GFY: variants seen among roughly 807,000 people sequenced by gnomAD.
The protein encoded by GFY is Golgi-associated olfactory signaling regulator.
In GFY, 28 loss-of-function variants were observed where a neutral mutation model predicts 29.1. The observed-to-expected ratio is 0.96, with a 90% CI of 0.71 to 1.32. GFY has a LOEUF of 1.32. Ranked by LOEUF, GFY falls within the 40% of genes most tolerant of loss-of-function variation. GFY has a pLI of 0.00. For synonymous variants in GFY, 277 were observed against 274.5 expected, an observed-to-expected ratio of 1.01 and a Z score of -0.09; for missense variants, 656 against 661.9, an observed-to-expected ratio of 0.99 and a Z score of 0.10.
At chr19:49,425,744 C>A (rs778237553) in intron 1 of GFY, among the ~76,000 whole-genome samples, 2 of 152,184 alleles carry the variant, frequency 1.3e-5, no homozygotes, top group Non-Finnish European at 2.9e-5. Context: ...TCCTTTCTAA[C>A]TCAGGAACCA....
Position 49,426,698 on chromosome 19 carries a change from A to G in GFY, c.268A>G (p.Asn90Asp). The change falls in exon 2 of 4, where the codon AAC (asparagine) becomes GAC (aspartate). Residue 90 changes from asparagine to aspartate, a missense_variant. By Grantham distance (23) the Asn-to-Asp change is conservative. Coordinates refer to ENST00000610896, the MANE Select transcript of GFY (RefSeq NM_001195256.2). ...CCCACTTGACTTCACTGAGCCCCTCAACCCTGACCTCCGAGAAACCCCGCA... is the reference window on the plus strand; with the variant it reads ...CCCACTTGACTTCACTGAGCCCCTCGACCCTGACCTCCGAGAAACCCCGCA... ...TFPLDFTEPL[N>D]PDLRETPHPE... is the part of the protein sequence containing the mutation. The G allele has an allele frequency of 6.5e-7, 1 of 1,536,072 alleles. No individual in the cohort carries two copies. Among genetic ancestry groups the G allele is most frequent in the Non-Finnish European group, 8.7e-7 (1 of 1,146,854 alleles).
chr19:49,427,243 T>A lies in GFY; in HGVS notation c.813T>A (p.Asp271Glu). The stretch of plus-strand genomic sequence containing the variant: ...CAACCTACTACCAAAATGCAACAGA[T>A]GTACCCAGGACCTCCGACCCTCAAA... The part of the protein sequence containing the change: ...FPTTYYQNAT[D>E]VPRTSDPQIS... Residue 271 changes from aspartate (D) to glutamate (E), a missense_variant, in exon 2 of 4, where the codon GAT becomes GAA. Asp to Glu is a conservative substitution (Grantham distance 45). Transcript: ENST00000610896. The A allele has an allele frequency of 6.5e-7, 1 of 1,536,000 alleles. No individual in the cohort carries two copies. The highest frequency in any genetic ancestry group is 1.2e-5 in the South Asian group (1 of 84,044).
rs944607014 is a variant in GFY at position 49,426,281 on chromosome 19, T to A, written c.-21-129T>A. ...GACTTGCGATTGGGTTCTCTTCCCA[T>A]CCCTGGCGCCAAGCTGGGCCCCGGA... On this transcript the variant is annotated intron_variant, in intron 1 of 3. Coordinates refer to ENST00000610896, the MANE Select transcript of GFY (RefSeq NM_001195256.2). The A allele has an allele frequency of 2.6e-5, 36 of 1,400,668 alleles. No individual in the cohort carries two copies. In the East Asian group the frequency reaches 8.6e-4, roughly 33 times the overall value. The allele number at this position is 1,400,668 out of a possible 1,614,324, so 86.8% of individuals were successfully genotyped here.
Position 49,427,502 on chromosome 19 carries a change from C to A in GFY, c.1072C>A (p.Leu358Ile). The A allele has an allele frequency of 6.5e-7, 1 of 1,533,156 alleles. No individual in the cohort carries two copies. The highest frequency in any genetic ancestry group is 8.7e-7 in the Non-Finnish European group (1 of 1,145,156). 95.0% of individuals were successfully genotyped at this position (1,533,156 alleles called of 1,614,324 possible). ...AGCCCGGATTGCAGGTCCCCCTGCTCTTCCAGGGCGCCCCAGTCAGTTGGC... is the reference window on the plus strand; with the variant it reads ...AGCCCGGATTGCAGGTCCCCCTGCTATTCCAGGGCGCCCCAGTCAGTTGGC... ...PSARIAGPPA[L>I]PGRPSQLAPA... Residue 358 changes from leucine to isoleucine, a missense_variant, in exon 2 of 4, where the codon CTT (leucine) becomes ATT (isoleucine). Physicochemically the swap from Leu to Ile is conservative, Grantham distance 5. Transcript: ENST00000610896.
intron 1 of GFY, 55 bp from the exon 2 acceptor site, chr19:49,426,355 C>T: frequency 6.9e-7 from 1 of 1,445,424 alleles, no homozygotes; most frequent in Non-Finnish European, 9.0e-7. Flanking sequence ...CGGGAGTGGG[C>T]GGGGCTCCTG....
In GFY at chr19:49,426,751, T is replaced by C; in HGVS notation, c.321T>C (p.Ala107=). ...CAGAGTCTCCTGAGACCCCCAAAGC[T>C]GACTCACTCACAACCTCAATATCAG... The part of the protein sequence containing the change: ...PHPESPETPK[A]DSLTTSISES... Residue 107 remains alanine (A), a synonymous_variant, in exon 2 of 4, where the codon GCT becomes GCC. Transcript: ENST00000610896. 1 of 1,530,954 alleles carries C rather than the reference T, an allele frequency of 6.5e-7. No homozygotes were observed. The highest frequency in any genetic ancestry group is 1.7e-4 in the Middle Eastern group (1 of 5,972). The allele number at this position is 1,530,954 out of a possible 1,614,324, so 94.8% of individuals were successfully genotyped here.
At position 49,428,738 on chromosome 19, in the gene GFY, C is replaced by T; in HGVS notation, c.1477C>T (p.Leu493=). 4 of 1,523,668 alleles carry T rather than the reference C, an allele frequency of 2.6e-6. No individual in the cohort carries two copies. The highest frequency in any genetic ancestry group is 3.5e-6 in the Non-Finnish European group (4 of 1,140,474). 94.4% of individuals were successfully genotyped at this position (1,523,668 alleles called of 1,614,324 possible). A position where few individuals can be genotyped will look rare whatever the true frequency, so the allele number is the denominator to read the frequency against. ...PPPTPPLPPK[L]PPPPRGGRPQ... is the part of the protein sequence containing the mutation. ...GCCCACACCTCCTCTGCCACCAAAG[C>T]TGCCCCCGCCGCCCCGCGGGGGTCG... Residue 493 remains leucine, a synonymous_variant, in exon 4 of 4, where the codon CTG becomes TTG. Coordinates refer to ENST00000610896, the MANE Select transcript of GFY (RefSeq NM_001195256.2).
At position 49,427,614 on chromosome 19, in the gene GFY, G is replaced by T. The variant is rs1047200554; in HGVS notation, c.1183+1G>T. 11 of 1,459,420 alleles carry T rather than the reference G, an allele frequency of 7.5e-6. No homozygotes were observed. The highest frequency in any genetic ancestry group is 9.0e-6 in the Non-Finnish European group (10 of 1,112,054). The allele number at this position is 1,459,420 out of a possible 1,614,324, so 90.4% of individuals were successfully genotyped here. ...GTGGTGGAGCGAGTGAAGGAGACCGGTGAGGGGCAGGAGCCGGACTCCTGA... is the reference window on the plus strand; with the variant it reads ...GTGGTGGAGCGAGTGAAGGAGACCGTTGAGGGGCAGGAGCCGGACTCCTGA... On this transcript the variant is annotated splice_donor_variant, in intron 2 of 3. Coordinates refer to ENST00000610896, the MANE Select transcript of GFY (RefSeq NM_001195256.2). LOFTEE classifies it high-confidence loss of function.
At position 49,426,753 on chromosome 19, in the gene GFY, A is replaced by G; in HGVS notation, c.323A>G (p.Asp108Gly). 2 of 1,534,584 alleles carry G rather than the reference A, an allele frequency of 1.3e-6. No individual in the cohort carries two copies. The highest frequency in any genetic ancestry group is 8.7e-7 in the Non-Finnish European group (1 of 1,146,510). Residue 108 changes from aspartate (D) to glycine (G), a missense_variant, in exon 2 of 4, where the codon GAC becomes GGC. Transcript: ENST00000610896. ...GAGTCTCCTGAGACCCCCAAAGCTG[A>G]CTCACTCACAACCTCAATATCAGAA... The part of the protein sequence containing the change: ...HPESPETPKA[D>G]SLTTSISESL...
chr19:49,427,869 G>T, intron 2 of GFY, 77 bp from the exon 3 acceptor site: 1 of 1,452,448 alleles, frequency 6.9e-7, no homozygotes, highest in Non-Finnish European at 9.2e-7. Flanking sequence ...TCTGAGGGAG[G>T]AGGGGCTAGG....
intron 3 of GFY, 148 bp downstream of exon 3, chr19:49,428,267 G>A (rs2078942293): frequency 5.5e-6 from 6 of 1,096,904 alleles, no homozygotes; most frequent in African/African-American, 1.6e-5. Flanking sequence ...CCCCCTAAAT[G>A]TCTGCAATTT....
intron 3 of GFY, 65 bp downstream of exon 3, chr19:49,428,184 G>A (rs1166173142): frequency 1.3e-6 from 2 of 1,486,752 alleles, no homozygotes; most frequent in Non-Finnish European, 1.8e-6. Flanking sequence ...GCACTACAGG[G>A]CGCCAGCCAA....
Position 49,426,901 on chromosome 19 carries a change from C to T in GFY, c.471C>T (p.Phe157=). 2.0e-6 allele frequency: 3 copies of T among 1,535,924 alleles called. No homozygotes were observed. Among genetic ancestry groups the T allele is most frequent in the Non-Finnish European group, 1.7e-6 (2 of 1,146,856 alleles). The change falls in exon 2 of 4, where the codon TTC becomes TTT. Residue 157 remains phenylalanine (F), a synonymous_variant. Coordinates refer to ENST00000610896, the MANE Select transcript of GFY (RefSeq NM_001195256.2). ...PGSPETPKPN[F]SKTSRPEFPE... ...CCCCTGAGACCCCCAAACCTAACTT[C>T]TCCAAAACTTCACGCCCAGAATTTC... is the stretch of plus-strand genomic sequence containing the variant.
rs1450893541 is a variant in GFY at position 49,428,658 on chromosome 19, A to G, written c.1397A>G (p.Tyr466Cys). The stretch of plus-strand genomic sequence containing the variant: ...GCCCCGAAAGACCCCTACGACCTCT[A>G]CTTTTATGCTCCGGATACCTGGGTC... Reference protein sequence around the residue: ...LDAPKDPYDLYFYAPDTWVPS... With the variant: ...LDAPKDPYDLCFYAPDTWVPS... The change falls in exon 4 of 4, where the codon TAC (tyrosine) becomes TGC (cysteine). Residue 466 changes from tyrosine (Y) to cysteine (C), a missense_variant. Physicochemically the swap from Tyr to Cys is radical, Grantham distance 194. Transcript: ENST00000610896. 2.0e-6 allele frequency: 3 copies of G among 1,524,988 alleles called. No homozygotes were observed. The highest frequency in any genetic ancestry group is 2.0e-5 in the Admixed American group (1 of 49,620). The allele number at this position is 1,524,988 out of a possible 1,614,324, so 94.5% of individuals were successfully genotyped here.
rs1407723444 is a variant in GFY, at chr19:49,427,960, G to T, written c.1198G>T (p.Gly400Trp). The change falls in exon 3 of 4, where the codon GGG becomes TGG. Residue 400 changes from glycine to tryptophan, a missense_variant. Coordinates refer to ENST00000610896, the MANE Select transcript of GFY (RefSeq NM_001195256.2). ...TCCCCCTTCAGGCGTGACTCTGGTG[G>T]GGCGACCACGTGGCGCAGCAGGCGG... Reference protein sequence around the residue: ...RVKETGVTLVGRPRGAAGGAL... With the variant: ...RVKETGVTLVWRPRGAAGGAL... 1 of 1,534,526 alleles carries T rather than the reference G, an allele frequency of 6.5e-7. No individual in the cohort carries two copies. The highest frequency in any genetic ancestry group is 2.0e-5 in the Admixed American group (1 of 50,946).
In GFY at chr19:49,428,118, G is replaced by A. The variant is rs1346546646; in HGVS notation, c.1356G>A (p.Pro452=). Residue 452 remains proline, a splice_region_variant and synonymous_variant, in exon 3 of 4, where the codon CCG becomes CCA. Transcript: ENST00000610896. The part of the protein sequence containing the change: ...HHRLPDDGDE[P]VLHLDAPKDP... ...GGCTTCCGGACGACGGAGATGAACC[G>A]GGTGAGCGCCCTGCCCCTTGAATGC... is the stretch of plus-strand genomic sequence containing the variant. 3 of 1,530,678 alleles carry A rather than the reference G, an allele frequency of 2.0e-6. No homozygotes were observed. Among genetic ancestry groups the A allele is most frequent in the East Asian group, 2.5e-5 (1 of 40,754 alleles). The allele number at this position is 1,530,678 out of a possible 1,614,324, so 94.8% of individuals were successfully genotyped here.
At chr19:49,427,816 C>T in intron 2 of GFY, 130 bp from the exon 3 acceptor site, 2 of 1,248,604 alleles carry the variant, frequency 1.6e-6, no homozygotes, top group Non-Finnish European at 2.2e-6. Context: ...GGTCTGGACT[C>T]CTGGGTCTGA....
Position 49,428,013 on chromosome 19 carries a change from C to G in GFY, c.1251C>G (p.Thr417=), listed in dbSNP as rs908760524. 6 of 1,535,842 alleles carry G rather than the reference C, an allele frequency of 3.9e-6. No individual in the cohort carries two copies. The African/African-American group carries it at 5.5e-5, about 14-fold the overall frequency. The change falls in exon 3 of 4, where the codon ACC becomes ACG. Residue 417 remains threonine, a synonymous_variant. Transcript: ENST00000610896. ...GGALCLFFAG[T]ALLIGIFVLL... ...CCCTCTGCCTGTTCTTCGCGGGGAC[C>G]GCGCTGCTGATCGGCATCTTTGTGC...
upstream of GFY, among the ~76,000 whole-genome samples, chr19:49,424,221 T>A (rs1975049637): frequency 1.3e-5 from 2 of 152,134 alleles, no homozygotes; most frequent in Non-Finnish European, 2.9e-5. Context: ...CCAGTCCTCC[T>A]CACACTGACT....
Sources: allele counts gnomAD v4.1 joint callset (sites outside exome capture counted in the v4.1 genomes callset), GRCh38; gene constraint gnomAD v4.1.1; transcripts MANE v1.5; gene names NCBI Gene and HGNC (gene_info 2026-07-23, HGNC 2026-07-21).